The following TPM2 variants were observed in gnomAD, a reference collection of about 807,000 sequenced individuals.
The protein encoded by TPM2 is tropomyosin beta chain.
Under a neutral mutation model 41.0 loss-of-function variants are expected in TPM2, and 26 were observed. The ratio of observed to expected loss-of-function variants is 0.63; its 90% CI spans 0.46 to 0.88. TPM2 has a LOEUF of 0.88. TPM2 is among the 40% of genes least tolerant of loss of function. TPM2 has a pLI of 0.00. For synonymous variants in TPM2, 143 were observed against 139.3 expected (o/e 1.03, Z -0.19); for missense variants, 187 against 355.2 (o/e 0.53, Z 3.81).
rs780099119 is a variant in TPM2, at chr9:35,685,084, G to A, written c.563+185C>T. 1.2e-6 allele frequency: 2 copies of A among 1,614,218 alleles called. No individual in the cohort carries two copies. The highest frequency in any genetic ancestry group is 1.7e-6 in the Non-Finnish European group (2 of 1,180,038). On this transcript the variant is annotated intron_variant, in intron 5 of 8. Coordinates refer to ENST00000645482, the MANE Select transcript of TPM2 (RefSeq NM_003289.4). The surrounding 1 kb of genome is among the most constrained non-coding windows in gnomAD (Gnocchi z 5.0). ...ACTACCTCCTCCTCTGAGGCCATCAGGGACTTGAGGGCCTGGTCCATGGTT... is the reference window on the plus strand; with the variant it reads ...ACTACCTCCTCCTCTGAGGCCATCAAGGACTTGAGGGCCTGGTCCATGGTT...
chr9:35,687,297 A>C (rs972456913), intron 2 of TPM2, among the ~76,000 whole-genome samples: 1 of 152,094 alleles, frequency 6.6e-6, no homozygotes. Flanking sequence ...ATGATAAGCC[A>C]AGTTTGGGAA....
At position 35,685,567 on chromosome 9, in the gene TPM2, A is replaced by T; in HGVS notation, c.375-16T>A. ...CTTCATTCCTCTGAAAGGCAGGGAGAGGGTGAGCGTAGGGTCAGGACCAGC... is the reference window on the plus strand; with the variant it reads ...CTTCATTCCTCTGAAAGGCAGGGAGTGGGTGAGCGTAGGGTCAGGACCAGC... On this transcript the variant is annotated splice_polypyrimidine_tract_variant and intron_variant, in intron 3 of 8. Coordinates refer to ENST00000645482, the MANE Select transcript of TPM2 (RefSeq NM_003289.4). The surrounding 1 kb of genome is among the most constrained non-coding windows in gnomAD (Gnocchi z 5.0). 1 of 1,613,778 alleles carries T rather than the reference A, an allele frequency of 6.2e-7. No homozygotes were observed. Among genetic ancestry groups the T allele is most frequent in the Admixed American group, 1.7e-5 (1 of 59,980 alleles).
intron 1 of TPM2, 34 bp from the exon 2 acceptor site, chr9:35,689,305 G>C (rs1405609552): frequency 1.9e-6 from 3 of 1,613,374 alleles, no homozygotes; most frequent in Admixed American, 1.7e-5. Flanking sequence ...GCCAGGCTGG[G>C]AGGGGGCCCA....
At position 35,684,470 on chromosome 9, in the gene TPM2, C is replaced by CT; in HGVS notation, c.702+17dup. The CT allele has an allele frequency of 6.2e-7, 1 of 1,614,190 alleles. No homozygotes were observed. Among genetic ancestry groups the CT allele is most frequent in the South Asian group, 1.1e-5 (1 of 91,080 alleles). On this transcript the variant is annotated intron_variant, in intron 7 of 8. Coordinates refer to ENST00000645482, the MANE Select transcript of TPM2 (RefSeq NM_003289.4). ...GGGTGGCTTGAGGGGAGACTGGGAA[C>CT]TGGAAGAGGACTCTCACCTCCTTCA...
At chr9:35,682,523 C>T, downstream of TPM2, 3 of 1,256,918 alleles carry the variant, frequency 2.4e-6, no homozygotes, top group Non-Finnish European at 3.1e-6. Flanking sequence ...AGAAAACAGA[C>T]CTGCTGCTGC....
At chr9:35,683,969 A>C in intron 8 of TPM2, 1 of 462,074 alleles carries the variant, frequency 2.2e-6, no homozygotes. Context: ...CTCCAGCCCA[A>C]AGTCAGCAAT....
chr9:35,686,636 CAAAAAAA>C, intron 2 of TPM2, among the ~76,000 whole-genome samples: 1 of 104,370 alleles, frequency 9.6e-6, no homozygotes, highest in East Asian at 2.8e-4. Flanking sequence ...GATCCCATCT[CAAAAAAA>C]AAAAAAAAAA....
At position 35,685,990 on chromosome 9, in the gene TPM2, C is replaced by G. The variant is rs1824883480; in HGVS notation, c.241-210G>C. Among the ~76,000 whole-genome samples, 1 of 152,264 alleles carries G rather than the reference C, an allele frequency of 6.6e-6. No homozygotes were observed. The highest frequency in any genetic ancestry group is 6.5e-5 in the Admixed American group (1 of 15,292). Reference sequence around the variant, plus strand: ...TTCAGGCCGGGCATGGTGGCTCACGCCTGTAATCCCCGCACTCTGGGAGGC... The same window carrying G: ...TTCAGGCCGGGCATGGTGGCTCACGGCTGTAATCCCCGCACTCTGGGAGGC... On this transcript the variant is annotated intron_variant, in intron 2 of 8. Coordinates refer to ENST00000645482, the MANE Select transcript of TPM2 (RefSeq NM_003289.4). The surrounding 1 kb of genome is among the most constrained non-coding windows in gnomAD (Gnocchi z 5.0).
At chr9:35,686,148 G>T (rs1212922633) in intron 2 of TPM2, among the ~76,000 whole-genome samples, 1 of 152,200 alleles carries the variant, frequency 6.6e-6, no homozygotes, top group African/African-American at 2.4e-5. Flanking sequence ...TACTTGGGAG[G>T]CTGAGGCACA....
rs780351083 is a variant in TPM2, at chr9:35,683,250, G to GC, written c.773-10_773-9insG. The GC allele has an allele frequency of 1.3e-4, 200 of 1,549,944 alleles. No individual in the cohort carries two copies. Among genetic ancestry groups the GC allele is most frequent in the Non-Finnish European group, 1.7e-4 (189 of 1,144,562 alleles). On this transcript the variant is annotated splice_polypyrimidine_tract_variant and intron_variant, in intron 8 of 8. Transcript: ENST00000645482. ...CTGGGCATAGACTTCATCTGGGGGG[G>GC]GTCCAGGGAGGGGACCAGGTGGGAG... is the stretch of plus-strand genomic sequence containing the variant.
Position 35,685,082 on chromosome 9 carries a change from C to T in TPM2, c.563+187G>A, listed in dbSNP as rs1425248934. 2.5e-6 allele frequency: 4 copies of T among 1,614,094 alleles called. No homozygotes were observed. In the Admixed American group the frequency reaches 5.0e-5, roughly 20 times the overall value. On this transcript the variant is annotated intron_variant, in intron 5 of 8. Coordinates refer to ENST00000645482, the MANE Select transcript of TPM2 (RefSeq NM_003289.4). The surrounding 1 kb of genome is among the most constrained non-coding windows in gnomAD (Gnocchi z 5.0). Reference sequence around the variant, plus strand: ...TCACTACCTCCTCCTCTGAGGCCATCAGGGACTTGAGGGCCTGGTCCATGG... The same window carrying T: ...TCACTACCTCCTCCTCTGAGGCCATTAGGGACTTGAGGGCCTGGTCCATGG...
Position 35,689,829 on chromosome 9 carries a change from G to A in TPM2, c.-12C>T, listed in dbSNP as rs561766008. ...TTGATGGCGTCCATGGCTGCGGTGGGGGGTGGGCCGGCCGGCAGGCGGTGA... is the reference window on the plus strand; with the variant it reads ...TTGATGGCGTCCATGGCTGCGGTGGAGGGTGGGCCGGCCGGCAGGCGGTGA... On this transcript the variant is annotated 5_prime_UTR_variant, in exon 1 of 9. Coordinates refer to ENST00000645482, the MANE Select transcript of TPM2 (RefSeq NM_003289.4). 1.2e-5 allele frequency: 20 copies of A among 1,613,418 alleles called. No individual in the cohort carries two copies. In the South Asian group the frequency reaches 2.0e-4, roughly 16 times the overall value.
downstream of TPM2, chr9:35,682,072 G>T (rs1274505794): frequency 6.2e-7 from 1 of 1,613,980 alleles, no homozygotes; most frequent in Non-Finnish European, 8.5e-7. Flanking sequence ...CTGGGGGTGG[G>T]GCTGGCCCTC....
chr9:35,689,498 G>T, intron 1 of TPM2: 1 of 859,852 alleles, frequency 1.2e-6, no homozygotes, highest in South Asian at 5.3e-5. Context: ...AGGCAGAGTG[G>T]AAACCAGGGG....
At chr9:35,688,444 G>A (rs532516394) in intron 2 of TPM2, among the ~76,000 whole-genome samples, 2 of 152,332 alleles carry the variant, frequency 1.3e-5, no homozygotes, top group African/African-American at 2.4e-5. Flanking sequence ...TTAAGCTGGG[G>A]GTTGGGAATG....
At chr9:35,682,489 G>A (rs552445074), downstream of TPM2, 3 of 1,290,688 alleles carry the variant, frequency 2.3e-6, no homozygotes, top group African/African-American at 1.5e-5. Context: ...AGGAAAGGAA[G>A]GGCCAGACAG....
At position 35,689,619 on chromosome 9, in the gene TPM2, A is replaced by T. The variant is rs1041166495; in HGVS notation, c.114+85T>A. The T allele has an allele frequency of 5.0e-6, 8 of 1,596,130 alleles. No individual in the cohort carries two copies. The African/African-American group carries it at 1.1e-4, about 21-fold the overall frequency. ...TGGGTGAGAGAGAGCCTTGGCGGGC[A>T]GGCCCGGGGCTGGGGGACCCATGGC... On this transcript the variant is annotated intron_variant, in intron 1 of 8. Transcript: ENST00000645482.
chr9:35,683,151 C>T lies in TPM2; in HGVS notation c.*8G>A, dbSNP rs56249943. On this transcript the variant is annotated 3_prime_UTR_variant, in exon 9 of 9. Coordinates refer to ENST00000645482, the MANE Select transcript of TPM2 (RefSeq NM_003289.4). ...AAGAGAGCTGAGGTGGCCACGCTGG[C>T]GTGGGGCTCAGAGGGAGGTGATGTC... 132,661 of 1,552,166 alleles carry T rather than the reference C, an allele frequency of 0.085. 6,178 individuals carry two copies. Among genetic ancestry groups the T allele is most frequent in the Non-Finnish European group, 0.095 (109,211 of 1,146,988 alleles).
At chr9:35,686,051 G>A (rs1285312196) in intron 2 of TPM2, among the ~76,000 whole-genome samples, 1 of 152,198 alleles carries the variant, frequency 6.6e-6, no homozygotes, top group Non-Finnish European at 1.5e-5. Context: ...AGGAGTTTGA[G>A]AGCAGCCTGG....
Sources: allele counts gnomAD v4.1 joint callset (sites outside exome capture counted in the v4.1 genomes callset), GRCh38; gene constraint gnomAD v4.1.1; non-coding constraint Gnocchi (gnomAD v3.1); transcripts MANE v1.5; gene names NCBI Gene and HGNC (gene_info 2026-07-23, HGNC 2026-07-21).